The following SGCZ variants were observed in gnomAD, a reference collection of about 807,000 sequenced individuals.
SGCZ encodes sarcoglycan zeta, also known as zeta-sarcoglycan.
A neutral mutation model predicts 41.3 loss-of-function variants in SGCZ; 40 were observed. That is an observed-to-expected ratio of 0.97 (90% CI 0.75 to 1.26). The LOEUF (loss-of-function observed/expected upper bound fraction) is 1.26. SGCZ is among the 50% of genes most tolerant of loss of function. SGCZ has a pLI of 0.00. For synonymous variants in SGCZ, 206 were observed against 137.5 expected (o/e 1.50, Z -3.49); for missense variants, 552 against 369.8 (o/e 1.49, Z -4.04).
At chr8:14,594,389 G>A (rs1386669182) in intron 1 of SGCZ, among the ~76,000 whole-genome samples, 1 of 151,618 alleles carries the variant, frequency 6.6e-6, no homozygotes, top group Non-Finnish European at 1.5e-5. Context: ...ATGAAAACTG[G>A]AAGATCTGGG....
chr8:14,301,881 A>C (rs1801202354), intron 3 of SGCZ, among the ~76,000 whole-genome samples: 1 of 152,212 alleles, frequency 6.6e-6, no homozygotes, highest in Non-Finnish European at 1.5e-5. Flanking sequence ...GCACCAAAAA[A>C]GTATTTTCAG....
intron 1 of SGCZ, among the ~76,000 whole-genome samples, chr8:14,918,188 C>T (rs977851267): frequency 6.6e-6 from 1 of 152,040 alleles, no homozygotes; most frequent in Non-Finnish European, 1.5e-5. Flanking sequence ...TTAGTCATCC[C>T]TATAACGGAG....
At position 14,189,910 on chromosome 8, in the gene SGCZ, T is replaced by C. The variant is rs190538649; in HGVS notation, c.425-25208A>G. Reference sequence around the variant, plus strand: ...GTAAGAGAAGTTCAATAACTACTGATAGAAAATTTGTTTATTTAATAAGCT... The same window carrying C: ...GTAAGAGAAGTTCAATAACTACTGACAGAAAATTTGTTTATTTAATAAGCT... On this transcript the variant is annotated intron_variant, in intron 4 of 7. Coordinates refer to ENST00000382080, the MANE Select transcript of SGCZ (RefSeq NM_139167.4). Among the ~76,000 whole-genome samples, 15 of 152,296 alleles carry C rather than the reference T, an allele frequency of 9.8e-5. No homozygotes were observed. In the East Asian group the frequency reaches 1.7e-3, roughly 18 times the overall value.
intron 1 of SGCZ, among the ~76,000 whole-genome samples, chr8:15,075,071 CTT>C (rs774435599): frequency 6.6e-6 from 1 of 152,176 alleles, no homozygotes; most frequent in Non-Finnish European, 1.5e-5. Flanking sequence ...TAGTCAATCA[CTT>C]TATTCTTTTG....
At chr8:15,201,296 C>T (rs184845217) in intron 1 of SGCZ, among the ~76,000 whole-genome samples, 4 of 152,256 alleles carry the variant, frequency 2.6e-5, no homozygotes, top group Admixed American at 6.5e-5. Context: ...GGATTACAGG[C>T]GTGAGCCCCC....
chr8:14,628,562 G>C (rs34760573), intron 1 of SGCZ, among the ~76,000 whole-genome samples: 7 of 152,030 alleles, frequency 4.6e-5, no homozygotes, highest in African/African-American at 1.7e-4. Flanking sequence ...GAAGCAATAG[G>C]TTCCATGGAT....
chr8:14,943,194 T>C (rs1366140446), intron 1 of SGCZ, among the ~76,000 whole-genome samples: 1 of 152,198 alleles, frequency 6.6e-6, no homozygotes, highest in Non-Finnish European at 1.5e-5. Context: ...AAAGGATCCA[T>C]TTCCAAAGAT....
intron 1 of SGCZ, among the ~76,000 whole-genome samples, chr8:15,106,927 G>A (rs747112749): frequency 3.9e-4 from 60 of 151,958 alleles, no homozygotes; most frequent in Non-Finnish European, 6.3e-4. Context: ...TCAGGATTTG[G>A]TGTTGAATTT....
intron 2 of SGCZ, among the ~76,000 whole-genome samples, chr8:14,460,474 T>A (rs974959686): frequency 2.0e-5 from 3 of 152,078 alleles, no homozygotes; most frequent in Non-Finnish European, 4.4e-5. Context: ...ACTTGCAGGG[T>A]ATGGAAAGGC....
chr8:15,226,705 C>A (rs897631213), intron 1 of SGCZ, among the ~76,000 whole-genome samples: 1 of 152,170 alleles, frequency 6.6e-6, no homozygotes, highest in African/African-American at 2.4e-5. Flanking sequence ...ACCCTGAACA[C>A]TAGAGCTACA....
At chr8:14,582,907 A>G (rs1448965432) in intron 1 of SGCZ, among the ~76,000 whole-genome samples, 3 of 151,778 alleles carry the variant, frequency 2.0e-5, no homozygotes, top group Admixed American at 1.3e-4. Flanking sequence ...CCAGTCTATC[A>G]TTGTTGGACA....
chr8:14,681,841 A>T (rs1808456199), intron 1 of SGCZ, among the ~76,000 whole-genome samples: 1 of 152,134 alleles, frequency 6.6e-6, no homozygotes, highest in Non-Finnish European at 1.5e-5. Flanking sequence ...TAGATGACAC[A>T]AGTGAATTCA....
At chr8:14,227,321 A>T (rs551054958) in intron 4 of SGCZ, among the ~76,000 whole-genome samples, 60 of 152,248 alleles carry the variant, frequency 3.9e-4, no homozygotes, top group African/African-American at 1.4e-3. Context: ...TGAATTATTA[A>T]CATGTTCTAA....
intron 1 of SGCZ, among the ~76,000 whole-genome samples, chr8:15,126,801 G>C (rs1807706843): frequency 6.6e-6 from 1 of 152,094 alleles, no homozygotes; most frequent in Non-Finnish European, 1.5e-5. Context: ...GGGCACATGG[G>C]GGAGAAAAGT....
intron 1 of SGCZ, among the ~76,000 whole-genome samples, chr8:15,048,615 T>A (rs1563466620): frequency 6.6e-6 from 1 of 152,134 alleles, no homozygotes; most frequent in Non-Finnish European, 1.5e-5. Flanking sequence ...ACAATTATTA[T>A]GCATCAATTT....
At chr8:14,293,267 T>G (rs1800901347) in intron 3 of SGCZ, among the ~76,000 whole-genome samples, 1 of 152,068 alleles carries the variant, frequency 6.6e-6, no homozygotes, top group African/African-American at 2.4e-5. Flanking sequence ...TAAGAATGAA[T>G]GTATTCAACT....
At chr8:14,117,738 C>T (rs958366963) in intron 5 of SGCZ, among the ~76,000 whole-genome samples, 12 of 151,194 alleles carry the variant, frequency 7.9e-5, no homozygotes, top group African/African-American at 2.4e-4. Context: ...TCCCTTAGTC[C>T]CACATCCCCT....
chr8:14,972,793 T>A (rs2130866871), intron 1 of SGCZ, among the ~76,000 whole-genome samples: 1 of 152,332 alleles, frequency 6.6e-6, no homozygotes, highest in East Asian at 1.9e-4. Flanking sequence ...TCTGCACTCC[T>A]GATCTTTGTG....
chr8:14,790,102 G>A (rs1403891969), intron 1 of SGCZ, among the ~76,000 whole-genome samples: 24 of 152,134 alleles, frequency 1.6e-4, no homozygotes, highest in Admixed American at 1.5e-3. Context: ...AATCAAGACA[G>A]CATTCTGCCC....
Sources: allele counts gnomAD v4.1 joint callset (sites outside exome capture counted in the v4.1 genomes callset), GRCh38; gene constraint gnomAD v4.1.1; transcripts MANE v1.5; gene names NCBI Gene and HGNC (gene_info 2026-07-23, HGNC 2026-07-21).